The following SORCS2 variants were observed in gnomAD, a reference collection of about 807,000 sequenced individuals.
The protein encoded by SORCS2 is sortilin related VPS10 domain containing receptor 2, also known as VPS10 domain-containing receptor SorCS2.
SORCS2 carries 100 observed loss-of-function variants against 141.6 expected under a neutral mutation model. That is an observed-to-expected ratio of 0.71 (90% confidence interval 0.60 to 0.83). The LOEUF is 0.83. Among genes scored for constraint, SORCS2 ranks in the 40% least tolerant of loss-of-function variants. The pLI is 0.00. For missense variants in SORCS2, 1,646 were observed against 1,560.2 expected (o/e 1.05, Z -0.93); for synonymous variants, 789 against 676.9 (o/e 1.17, Z -2.57).
At chr4:7,705,007 T>G (rs1473350991) in intron 14 of SORCS2, among the ~76,000 whole-genome samples, 1 of 126,822 alleles carries the variant, frequency 7.9e-6, no homozygotes, top group Non-Finnish European at 1.6e-5. Flanking sequence ...GATATCTGAA[T>G]AGTGTGTCCC....
chr4:7,741,584 G>C lies in SORCS2; in HGVS notation c.*1320G>C, dbSNP rs546761297. ...CAGAGGGGGAGAACGCCAGAGCCCT[G>C]GCTGGTGATGTGCTGGCTGGGGGTG... On this transcript the variant is annotated 3_prime_UTR_variant, in exon 27 of 27. Coordinates refer to ENST00000507866, the MANE Select transcript of SORCS2 (RefSeq NM_020777.3). The C allele has an allele frequency of 3.9e-4, 90 of 230,000 alleles. No individual in the cohort carries two copies. Among genetic ancestry groups the C allele is most frequent in the Middle Eastern group, 1.3e-3 (1 of 776 alleles). 14.2% of individuals were successfully genotyped at this position (230,000 alleles called of 1,614,324 possible). A position where few individuals can be genotyped will look rare whatever the true frequency, so the allele number is the denominator to read the frequency against.
At chr4:7,673,738 C>A (rs1003093927) in intron 8 of SORCS2, among the ~76,000 whole-genome samples, 8 of 152,146 alleles carry the variant, frequency 5.3e-5, no homozygotes, top group Non-Finnish European at 4.4e-5. Flanking sequence ...AACATTTACC[C>A]AGGGGCATAG....
At chr4:7,279,425 C>T (rs1017718200) in intron 1 of SORCS2, among the ~76,000 whole-genome samples, 6 of 152,166 alleles carry the variant, frequency 3.9e-5, no homozygotes, top group Admixed American at 1.3e-4. Context: ...CTTCCTGAAC[C>T]GGATGGTGAT....
rs146803533 is a variant in SORCS2 at position 7,726,344 on chromosome 4, A to G, written c.2746-436A>G. ...CAAGTTCGTGCTGTGTTGGCTTACAACCAGGTGCCCATGAGATCAGGAGTT... is the reference window on the plus strand; with the variant it reads ...CAAGTTCGTGCTGTGTTGGCTTACAGCCAGGTGCCCATGAGATCAGGAGTT... On this transcript the variant is annotated intron_variant, in intron 20 of 26. Transcript: ENST00000507866. Among the ~76,000 whole-genome samples the G allele has an allele frequency of 1.2e-4, 18 of 152,278 alleles. 1 individual carries two copies. In the East Asian group the frequency reaches 3.5e-3, roughly 29 times the overall value.
chr4:7,334,864 G>A (rs749767718), intron 1 of SORCS2, among the ~76,000 whole-genome samples: 1 of 152,180 alleles, frequency 6.6e-6, no homozygotes, highest in Admixed American at 6.5e-5. Context: ...GAGCTGGCAG[G>A]GTGGGAGTTC....
At chr4:7,487,144 T>G (rs765348179) in intron 2 of SORCS2, among the ~76,000 whole-genome samples, 2 of 152,328 alleles carry the variant, frequency 1.3e-5, no homozygotes, top group East Asian at 3.9e-4. Context: ...TCACCCTCCA[T>G]GTGCGTGCTC....
At chr4:7,715,808 T>C (rs1726149887) in intron 17 of SORCS2, among the ~76,000 whole-genome samples, 1 of 152,206 alleles carries the variant, frequency 6.6e-6, no homozygotes, top group Non-Finnish European at 1.5e-5. Context: ...GGTCTCAGCT[T>C]AAATGGCACT....
chr4:7,347,203 C>G (rs1051081385), intron 1 of SORCS2, among the ~76,000 whole-genome samples: 2 of 152,136 alleles, frequency 1.3e-5, no homozygotes, highest in African/African-American at 2.4e-5. Flanking sequence ...TGTTTGGGAC[C>G]ACACGGGGTC....
intron 15 of SORCS2, among the ~76,000 whole-genome samples, chr4:7,714,031 G>T (rs1023617464): frequency 7.9e-5 from 12 of 152,352 alleles, no homozygotes; most frequent in African/African-American, 2.9e-4. Flanking sequence ...CACACAGGAG[G>T]GGCTCAGTGA....
chr4:7,477,307 T>C (rs117766302), intron 2 of SORCS2, among the ~76,000 whole-genome samples: 30 of 105,078 alleles, frequency 2.9e-4, no homozygotes, highest in South Asian at 9.4e-4. Context: ...GGGGTCTGAC[T>C]GAGGATGACC....
chr4:7,609,524 G>T (rs907992237), intron 3 of SORCS2, among the ~76,000 whole-genome samples: 8 of 152,150 alleles, frequency 5.3e-5, no homozygotes, highest in African/African-American at 1.7e-4. Flanking sequence ...TTTCTCCTTG[G>T]TCAGTCCTCT....
At chr4:7,724,693 GTGT>G (rs1340264434) in intron 19 of SORCS2, among the ~76,000 whole-genome samples, 23 of 108,086 alleles carry the variant, frequency 2.1e-4, no homozygotes, top group East Asian at 3.0e-4. Context: ...GATGGTGGTG[GTGT>G]TGGTGATGGT....
At chr4:7,338,649 C>G (rs1720173540) in intron 1 of SORCS2, among the ~76,000 whole-genome samples, 1 of 152,176 alleles carries the variant, frequency 6.6e-6, no homozygotes, top group South Asian at 2.1e-4. Context: ...CAGCTTTGCC[C>G]ACACCCCTGT....
rs117531807 is a variant in SORCS2, at chr4:7,370,890, C to G, written c.481-25398C>G. 7.3e-3 allele frequency among the ~76,000 whole-genome samples: 1,115 copies of G among 152,312 alleles called. 23 individuals are homozygous for G. The highest frequency in any genetic ancestry group is 0.071 in the South Asian group (341 of 4,822). ...CAGCTGCCTGCCTAGCACGTCCCCTCAATCCCCTAGGCAGCTGCTGCTGAT... is the reference window on the plus strand; with the variant it reads ...CAGCTGCCTGCCTAGCACGTCCCCTGAATCCCCTAGGCAGCTGCTGCTGAT... On this transcript the variant is annotated intron_variant, in intron 1 of 26. Transcript: ENST00000507866.
chr4:7,321,656 G>A (rs1408190316), intron 1 of SORCS2, among the ~76,000 whole-genome samples: 1 of 152,230 alleles, frequency 6.6e-6, no homozygotes, highest in African/African-American at 2.4e-5. Context: ...CACAAGACCA[G>A]GTGGGCTCCA....
intron 2 of SORCS2, among the ~76,000 whole-genome samples, chr4:7,447,746 C>T (rs374859918): frequency 7.9e-5 from 12 of 152,214 alleles, no homozygotes; most frequent in Admixed American, 4.6e-4. Context: ...AAGACGGAGC[C>T]GGGCATTTCG....
At chr4:7,717,032 C>A (rs1008231359) in intron 17 of SORCS2, among the ~76,000 whole-genome samples, 4 of 152,204 alleles carry the variant, frequency 2.6e-5, no homozygotes, top group African/African-American at 4.8e-5. Flanking sequence ...GAGACAGGTA[C>A]CCCCAGCACC....
intron 1 of SORCS2, among the ~76,000 whole-genome samples, chr4:7,324,713 ACT>A (rs1719128864): frequency 1.3e-5 from 2 of 151,946 alleles, no homozygotes; most frequent in South Asian, 4.2e-4. Context: ...AAAACAAAAA[ACT>A]CCACCTTGAG....
At chr4:7,321,289 G>T (rs1040342112) in intron 1 of SORCS2, among the ~76,000 whole-genome samples, 5 of 152,112 alleles carry the variant, frequency 3.3e-5, no homozygotes, top group African/African-American at 4.8e-5. Context: ...CCTTTTTATG[G>T]CTGAGTAGTA....
Sources: gnomAD v4.1 joint callset for allele counts (sites outside exome capture counted in the v4.1 genomes callset) on GRCh38, gnomAD v4.1.1 for gene constraint, MANE v1.5 for transcripts, NCBI Gene and HGNC (gene_info 2026-07-23, HGNC 2026-07-21) for gene names.